Variants in PABPC4L observed in about 807,000 individuals in gnomAD.
PABPC4L encodes poly(A) binding protein cytoplasmic 4 like.
For missense variants in PABPC4L, 452 were observed against 451.4 expected, an observed-to-expected ratio of 1.00 and a Z score of -0.01; for synonymous variants, 169 against 164.1, an observed-to-expected ratio of 1.03 and a Z score of -0.23.
the PABPC4L span, among the ~76,000 whole-genome samples, chr4:133,980,640 C>T: frequency 6.6e-6 from 1 of 152,020 alleles, no homozygotes; most frequent in Non-Finnish European, 1.5e-5. Flanking sequence ...CATCGAAATG[C>T]GCCAAGAGAA....
chr4:134,109,207 A>G, the PABPC4L span, among the ~76,000 whole-genome samples: 6 of 152,018 alleles, frequency 3.9e-5, no homozygotes. Context: ...CAATATTCAT[A>G]TATGTATACT....
the PABPC4L span, among the ~76,000 whole-genome samples, chr4:133,948,838 A>T: frequency 6.6e-6 from 1 of 152,236 alleles, no homozygotes; most frequent in South Asian, 2.1e-4. Context: ...TCTGGTCTCA[A>T]TTTTTAAAGT....
chr4:134,089,005 G>C, the PABPC4L span, among the ~76,000 whole-genome samples: 1 of 151,990 alleles, frequency 6.6e-6, no homozygotes, highest in Non-Finnish European at 1.5e-5. Flanking sequence ...AGTGATTTTA[G>C]CAATTTTTTG....
chr4:134,136,572 A>T, the PABPC4L span, among the ~76,000 whole-genome samples: 1 of 152,010 alleles, frequency 6.6e-6, no homozygotes, highest in Admixed American at 6.6e-5. Context: ...CAGTTTTATT[A>T]TATTCTTTAG....
the PABPC4L span, among the ~76,000 whole-genome samples, chr4:133,964,000 CA>C: frequency 0.019 from 2,945 of 151,486 alleles, 103 homozygotes; most frequent in African/African-American, 0.066. Context: ...GAAATTGAAA[CA>C]AAAAAATATA....
At chr4:134,008,503 C>T in the PABPC4L span, among the ~76,000 whole-genome samples, 6 of 151,474 alleles carry the variant, frequency 4.0e-5, no homozygotes, top group East Asian at 9.7e-4. Flanking sequence ...ATGAAAACAA[C>T]AGCTTGTTTT....
chr4:134,076,648 C>G, the PABPC4L span, among the ~76,000 whole-genome samples: 1 of 152,118 alleles, frequency 6.6e-6, no homozygotes, highest in South Asian at 2.1e-4. Flanking sequence ...AGTAATAAAC[C>G]AAAGGCTCAG....
the PABPC4L span, among the ~76,000 whole-genome samples, chr4:134,120,596 T>C: frequency 2.0e-5 from 3 of 151,222 alleles, no homozygotes; most frequent in African/African-American, 4.8e-5. Context: ...AACATCATTT[T>C]TGAAGAATGA....
At chr4:134,076,059 C>G in the PABPC4L span, among the ~76,000 whole-genome samples, 1 of 150,572 alleles carries the variant, frequency 6.6e-6, no homozygotes, top group Non-Finnish European at 1.5e-5. Context: ...ATAGCTACAA[C>G]ACACACTACC....
chr4:133,958,367 G>C, the PABPC4L span, among the ~76,000 whole-genome samples: 1 of 152,100 alleles, frequency 6.6e-6, no homozygotes, highest in African/African-American at 2.4e-5. Context: ...CAGCATTTTG[G>C]TCAAAGCCAC....
chr4:134,184,057 T>A, the PABPC4L span, among the ~76,000 whole-genome samples: 1 of 151,772 alleles, frequency 6.6e-6, no homozygotes, highest in Non-Finnish European at 1.5e-5. Flanking sequence ...AAGAAAAAGA[T>A]GGAAGATTCC....
At chr4:134,035,281 TG>T in the PABPC4L span, among the ~76,000 whole-genome samples, 1 of 152,074 alleles carries the variant, frequency 6.6e-6, no homozygotes, top group African/African-American at 2.4e-5. Context: ...CCAAAACATT[TG>T]GGTGACTTGC....
the PABPC4L span, among the ~76,000 whole-genome samples, chr4:133,954,334 T>A: frequency 6.6e-6 from 1 of 152,198 alleles, no homozygotes; most frequent in Admixed American, 6.5e-5. Context: ...ACGAATTACC[T>A]GATTCAACAA....
chr4:134,108,536 GATATT>G, the PABPC4L span, among the ~76,000 whole-genome samples: 1 of 151,816 alleles, frequency 6.6e-6, no homozygotes, highest in Non-Finnish European at 1.5e-5. Context: ...ATCCACAACT[GATATT>G]TATGAGTATA....
At chr4:133,999,236 T>G in the PABPC4L span, among the ~76,000 whole-genome samples, 1 of 152,080 alleles carries the variant, frequency 6.6e-6, no homozygotes, top group Admixed American at 6.6e-5. Flanking sequence ...TTTACACTTT[T>G]CTTTTGTAAA....
the PABPC4L span, among the ~76,000 whole-genome samples, chr4:134,161,330 G>A: frequency 6.6e-6 from 1 of 151,798 alleles, no homozygotes; most frequent in Non-Finnish European, 1.5e-5. Flanking sequence ...GTTATAAAGA[G>A]GATGTAGAGA....
chr4:134,139,698 C>CT, the PABPC4L span, among the ~76,000 whole-genome samples: 71,938 of 148,616 alleles, frequency 0.48, 20,733 homozygotes, highest in East Asian at 0.97. Flanking sequence ...TATTTTTTTA[C>CT]TTTTTTTTTT....
the PABPC4L span, among the ~76,000 whole-genome samples, chr4:134,011,412 C>A: frequency 6.6e-6 from 1 of 151,964 alleles, no homozygotes; most frequent in African/African-American, 2.4e-5. Flanking sequence ...GGAATATATT[C>A]TTGAAACATT....
chr4:133,973,175 T>C, the PABPC4L span, among the ~76,000 whole-genome samples: 1 of 152,160 alleles, frequency 6.6e-6, no homozygotes, highest in Admixed American at 6.6e-5. Flanking sequence ...ATTAAATGTC[T>C]TGATTTATTG....
Sources: gnomAD v4.1 joint callset for allele counts (sites outside exome capture counted in the v4.1 genomes callset) on GRCh38, gnomAD v4.1.1 for gene constraint, MANE v1.5 for transcripts, NCBI Gene and HGNC (gene_info 2026-07-23, HGNC 2026-07-21) for gene names.